Variants in ANKS1B observed in about 807,000 individuals in gnomAD.
The protein encoded by ANKS1B is ankyrin repeat and sterile alpha motif domain containing 1B.
Under a neutral mutation model 148.3 loss-of-function variants are expected in ANKS1B, and 36 were observed. That is an observed-to-expected ratio of 0.24 (90% confidence interval 0.19 to 0.32). The LOEUF is 0.32. Ranked by LOEUF, ANKS1B falls within the 10% of genes least tolerant of loss-of-function variation. The pLI, the probability that ANKS1B is intolerant of heterozygous loss-of-function variation, is 1.00. For missense variants in ANKS1B, 1,157 were observed against 1,542.6 expected (o/e 0.75, Z 4.19); for synonymous variants, 542 against 560.8 (o/e 0.97, Z 0.47).
At chr12:99,916,930 A>T (rs965920228) in intron 1 of ANKS1B, among the ~76,000 whole-genome samples, 1 of 152,234 alleles carries the variant, frequency 6.6e-6, no homozygotes, top group Non-Finnish European at 1.5e-5. Context: ...GAGCAATTTG[A>T]CATTGCTGTA....
At chr12:98,834,344 G>T (rs1307412112) in intron 17 of ANKS1B, among the ~76,000 whole-genome samples, 2 of 152,112 alleles carry the variant, frequency 1.3e-5, no homozygotes, top group Non-Finnish European at 2.9e-5. Context: ...TTACATTTAT[G>T]CAGGATACTG....
rs1600001121 is a variant in ANKS1B at position 99,100,950 on chromosome 12, C to T, written c.2527-15927G>A. Among the ~76,000 whole-genome samples the T allele has an allele frequency of 5.9e-5, 9 of 152,186 alleles. 1 individual carries two copies. The highest frequency in any genetic ancestry group is 5.9e-4 in the Admixed American group (9 of 15,282). ...TTGGGAAGCGGAACATCTCTGCTACCTGCTAAATGATGAGGAAAAGTTAAC... is the reference window on the plus strand; with the variant it reads ...TTGGGAAGCGGAACATCTCTGCTACTTGCTAAATGATGAGGAAAAGTTAAC... On this transcript the variant is annotated intron_variant, in intron 15 of 26. Transcript: ENST00000683438.
Position 99,704,005 on chromosome 12 carries a change from A to G in ANKS1B, c.1129-48795T>C, listed in dbSNP as rs199618378. Among the ~76,000 whole-genome samples the G allele has an allele frequency of 1.4e-4, 21 of 152,272 alleles. No individual in the cohort carries two copies. The East Asian group carries it at 3.3e-3, about 24-fold the overall frequency. ...ATGATAGCGTATCAAGAATAATGTG[A>G]TTACTAAAACCAGTAACGTGATTTG... On this transcript the variant is annotated intron_variant, in intron 8 of 26. Transcript: ENST00000683438.
At chr12:98,842,987 T>C (rs150318566) in intron 17 of ANKS1B, among the ~76,000 whole-genome samples, 164 of 152,316 alleles carry the variant, frequency 1.1e-3, no homozygotes, top group African/African-American at 3.7e-3. Flanking sequence ...AACAAATGGC[T>C]TATGGATGTT....
chr12:99,475,881 A>C (rs905218539), intron 10 of ANKS1B, among the ~76,000 whole-genome samples: 1 of 152,084 alleles, frequency 6.6e-6, no homozygotes, highest in African/African-American at 2.4e-5. Flanking sequence ...TTTAATTAAT[A>C]ATCATAACAC....
At chr12:99,230,282 T>C (rs1436227583) in intron 14 of ANKS1B, among the ~76,000 whole-genome samples, 1 of 152,084 alleles carries the variant, frequency 6.6e-6, no homozygotes, top group Admixed American at 6.6e-5. Flanking sequence ...AGTGTCTCAG[T>C]GATAGAATAT....
chr12:99,173,848 G>A (rs2078068246), intron 14 of ANKS1B, among the ~76,000 whole-genome samples: 1 of 151,972 alleles, frequency 6.6e-6, no homozygotes, highest in African/African-American at 2.4e-5. Context: ...TGCTTGGGAG[G>A]AGTTTCTTGC....
chr12:99,959,163 C>T lies in ANKS1B; in HGVS notation c.134+24941G>A, dbSNP rs577350738. Among the ~76,000 whole-genome samples the T allele has an allele frequency of 5.4e-5, 8 of 148,308 alleles. No homozygotes were observed. In the South Asian group the frequency reaches 1.1e-3, roughly 20 times the overall value. ...GCAATCTCTGCCTCCCGGGTTCAAG[C>T]GATTCTCATGCCTCAGCCTCCTGAG... On this transcript the variant is annotated intron_variant, in intron 1 of 26. Transcript: ENST00000683438.
chr12:99,688,957 T>C (rs1407378091), intron 8 of ANKS1B, among the ~76,000 whole-genome samples: 1 of 152,164 alleles, frequency 6.6e-6, no homozygotes, highest in African/African-American at 2.4e-5. Context: ...AAGGGTTCCA[T>C]TGTGTATAAA....
chr12:99,984,053 T>G, intron 1 of ANKS1B, 51 bp downstream of exon 1: 1 of 1,510,198 alleles, frequency 6.6e-7, no homozygotes, highest in Non-Finnish European at 9.1e-7. Context: ...CGTATATCCA[T>G]CACAATGCAT....
intron 17 of ANKS1B, among the ~76,000 whole-genome samples, chr12:98,966,026 A>T (rs956232084): frequency 1.3e-5 from 2 of 152,262 alleles, no homozygotes; most frequent in African/African-American, 4.8e-5. Flanking sequence ...AGCAATGGCA[A>T]CAAAAGCCAA....
chr12:98,745,259 G>GAT lies in ANKS1B; in HGVS notation c.*478_*479dup, dbSNP rs1308892409. On this transcript the variant is annotated 3_prime_UTR_variant, in exon 27 of 27. Coordinates refer to ENST00000683438, the MANE Select transcript of ANKS1B (RefSeq NM_001352186.2). ...CCTTTTGCATTAAACGATACTCAAT[G>GAT]ATAGAATGATTTTACAGATGCTTTG... The GAT allele has an allele frequency of 1.0e-6, 1 of 985,324 alleles. No individual in the cohort carries two copies. Among genetic ancestry groups the GAT allele is most frequent in the East Asian group, 1.1e-4 (1 of 8,790 alleles). 61.0% of individuals were successfully genotyped at this position (985,324 alleles called of 1,614,324 possible).
At chr12:98,834,775 T>A (rs2099352454) in intron 17 of ANKS1B, among the ~76,000 whole-genome samples, 1 of 152,356 alleles carries the variant, frequency 6.6e-6, no homozygotes, top group South Asian at 2.1e-4. Context: ...GGCAGCATTG[T>A]TTATACGATC....
intron 12 of ANKS1B, among the ~76,000 whole-genome samples, chr12:99,351,585 C>T (rs543383207): frequency 3.9e-5 from 6 of 152,076 alleles, no homozygotes; most frequent in East Asian, 1.9e-4. Context: ...TTCTTACCTT[C>T]GGTTTTCTTC....
intron 9 of ANKS1B, among the ~76,000 whole-genome samples, chr12:99,632,423 C>G (rs969485290): frequency 3.1e-4 from 47 of 151,998 alleles, no homozygotes; most frequent in Non-Finnish European, 5.9e-4. Context: ...ATCCTCACTG[C>G]ATAGGGCAGT....
chr12:98,803,401 GCAA>G (rs1389478820), intron 20 of ANKS1B, among the ~76,000 whole-genome samples: 1 of 152,096 alleles, frequency 6.6e-6, no homozygotes, highest in East Asian at 1.9e-4. Flanking sequence ...CCTGGATAAA[GCAA>G]CAACAACACG....
chr12:99,544,051 A>G (rs1269007252), intron 9 of ANKS1B, among the ~76,000 whole-genome samples: 1 of 152,212 alleles, frequency 6.6e-6, no homozygotes, highest in East Asian at 1.9e-4. Context: ...ATAGAGAGAA[A>G]CATATATAAA....
At chr12:99,347,505 C>T (rs940689852) in intron 12 of ANKS1B, among the ~76,000 whole-genome samples, 9 of 151,992 alleles carry the variant, frequency 5.9e-5, no homozygotes, top group African/African-American at 2.2e-4. Flanking sequence ...GTGTTAAAGG[C>T]CTGCCCCAAC....
At chr12:98,790,898 A>T (rs1220372952) in intron 22 of ANKS1B, among the ~76,000 whole-genome samples, 2 of 152,210 alleles carry the variant, frequency 1.3e-5, no homozygotes, top group East Asian at 3.9e-4. Context: ...AGCCCAGGAA[A>T]TCTTTCAGTG....
Sources: allele counts gnomAD v4.1 joint callset (sites outside exome capture counted in the v4.1 genomes callset), GRCh38; gene constraint gnomAD v4.1.1; transcripts MANE v1.5; gene names NCBI Gene and HGNC (gene_info 2026-07-23, HGNC 2026-07-21).